The following MRTFA variants were observed in gnomAD, a reference collection of about 807,000 sequenced individuals.
The protein encoded by MRTFA is myocardin related transcription factor A, also known as myocardin-related transcription factor A.
Under a neutral mutation model 83.5 loss-of-function variants are expected in MRTFA, and 20 were observed. The observed-to-expected ratio is 0.24, with a 90% CI of 0.17 to 0.35. MRTFA has a LOEUF of 0.35. MRTFA is among the 10% of genes least tolerant of loss of function. The pLI is 1.00. For missense variants in MRTFA, 1,200 were observed against 1,224.7 expected (o/e 0.98, Z 0.30); for synonymous variants, 659 against 541.2 (o/e 1.22, Z -3.02).
intron 3 of MRTFA, among the ~76,000 whole-genome samples, chr22:40,541,571 G>C (rs2055290889): frequency 1.3e-5 from 2 of 152,162 alleles, no homozygotes; most frequent in Non-Finnish European, 2.9e-5. Context: ...ATGAAGTACT[G>C]AGTCAAGACC....
intron 2 of MRTFA, among the ~76,000 whole-genome samples, chr22:40,589,519 G>A (rs2056087186): frequency 6.6e-6 from 1 of 152,090 alleles, no homozygotes. Context: ...TTGTTCCAAG[G>A]GATACATGAG....
chr22:40,465,109 C>T (rs1003556175), intron 3 of MRTFA, among the ~76,000 whole-genome samples: 1 of 152,192 alleles, frequency 6.6e-6, no homozygotes, highest in Admixed American at 6.5e-5. Flanking sequence ...TGAACTTCCC[C>T]ACTCACTCCA....
chr22:40,567,784 C>T (rs1169915721), intron 2 of MRTFA, among the ~76,000 whole-genome samples: 1 of 152,152 alleles, frequency 6.6e-6, no homozygotes, highest in Non-Finnish European at 1.5e-5. Context: ...GAAAGGAAGA[C>T]ATTTATAGTA....
At chr22:40,467,327 G>GT (rs913706707) in intron 3 of MRTFA, among the ~76,000 whole-genome samples, 6 of 152,194 alleles carry the variant, frequency 3.9e-5, no homozygotes, top group South Asian at 4.1e-4. Context: ...AATTCATTTT[G>GT]TTTTATAATT....
At chr22:40,435,059 C>A (rs1159056596) in intron 5 of MRTFA, among the ~76,000 whole-genome samples, 3 of 152,076 alleles carry the variant, frequency 2.0e-5, no homozygotes, top group Non-Finnish European at 4.4e-5. Context: ...GGTTTCCTGC[C>A]CCTTGGAATG....
intron 3 of MRTFA, among the ~76,000 whole-genome samples, chr22:40,520,159 A>AT (rs1193071246): frequency 8.5e-5 from 13 of 152,190 alleles, no homozygotes; most frequent in South Asian, 8.3e-4. Context: ...AGAAACCTGA[A>AT]TTTTTTTCCT....
At chr22:40,611,741 G>A (rs901196709) in intron 1 of MRTFA, among the ~76,000 whole-genome samples, 12 of 152,090 alleles carry the variant, frequency 7.9e-5, no homozygotes, top group African/African-American at 2.7e-4. Flanking sequence ...GACTAATTCT[G>A]CTTGATGACC....
chr22:40,620,284 C>T (rs1015416544), intron 1 of MRTFA, among the ~76,000 whole-genome samples: 1 of 151,954 alleles, frequency 6.6e-6, no homozygotes. Flanking sequence ...ATTACCACGC[C>T]TGGCTAATTT....
intron 3 of MRTFA, among the ~76,000 whole-genome samples, chr22:40,527,932 A>AG (rs2055006422): frequency 6.6e-6 from 1 of 152,182 alleles, no homozygotes; most frequent in Non-Finnish European, 1.5e-5. Flanking sequence ...GGAAAAAAAA[A>AG]GATGCAGACT....
At chr22:40,534,297 C>T (rs549074674) in intron 3 of MRTFA, among the ~76,000 whole-genome samples, 1 of 152,294 alleles carries the variant, frequency 6.6e-6, no homozygotes, top group East Asian at 1.9e-4. Flanking sequence ...CACCCCCACT[C>T]CAATTAAAAT....
chr22:40,533,695 A>C, intron 3 of MRTFA: 1 of 1,057,606 alleles, frequency 9.5e-7, no homozygotes, highest in Non-Finnish European at 1.2e-6. Flanking sequence ...AAGTCACAGG[A>C]GAAAAGCTGT....
At chr22:40,527,151 C>T (rs2054990189) in intron 3 of MRTFA, among the ~76,000 whole-genome samples, 1 of 151,360 alleles carries the variant, frequency 6.6e-6, no homozygotes. Context: ...CACACACACA[C>T]ACACACAAAT....
intron 2 of MRTFA, among the ~76,000 whole-genome samples, chr22:40,565,607 C>A (rs2055691480): frequency 6.6e-6 from 1 of 152,124 alleles, no homozygotes; most frequent in African/African-American, 2.4e-5. Flanking sequence ...ATTCACTCAA[C>A]AAATGCATAG....
At chr22:40,490,079 G>C (rs1294208639) in intron 3 of MRTFA, among the ~76,000 whole-genome samples, 1 of 151,586 alleles carries the variant, frequency 6.6e-6, no homozygotes, top group African/African-American at 2.4e-5. Flanking sequence ...ATTGCCTATA[G>C]GTTTTTTTTG....
At chr22:40,479,116 A>C (rs1190399232) in intron 3 of MRTFA, among the ~76,000 whole-genome samples, 2 of 152,170 alleles carry the variant, frequency 1.3e-5, no homozygotes, top group African/African-American at 4.8e-5. Flanking sequence ...CTGCTGAAAT[A>C]GATAAGCAAG....
chr22:40,541,842 A>G (rs1279164547), intron 3 of MRTFA, among the ~76,000 whole-genome samples: 1 of 151,754 alleles, frequency 6.6e-6, no homozygotes, highest in Non-Finnish European at 1.5e-5. Flanking sequence ...AAATTTTTGT[A>G]TTTTTAGTAG....
At chr22:40,520,158 A>C (rs2054839412) in intron 3 of MRTFA, among the ~76,000 whole-genome samples, 1 of 152,160 alleles carries the variant, frequency 6.6e-6, no homozygotes, top group African/African-American at 2.4e-5. Context: ...GAGAAACCTG[A>C]ATTTTTTTCC....
intron 3 of MRTFA, among the ~76,000 whole-genome samples, chr22:40,493,681 G>C (rs2054306081): frequency 6.6e-6 from 1 of 152,194 alleles, no homozygotes; most frequent in South Asian, 2.1e-4. Flanking sequence ...TGTCATCAAG[G>C]ATGAGGAGCA....
At chr22:40,476,538 G>A (rs2054000129) in intron 3 of MRTFA, among the ~76,000 whole-genome samples, 1 of 152,030 alleles carries the variant, frequency 6.6e-6, no homozygotes, top group Non-Finnish European at 1.5e-5. Context: ...GCTCACTGCA[G>A]CCTCAACTTC....
Sources: gnomAD v4.1 joint callset for allele counts (sites outside exome capture counted in the v4.1 genomes callset) on GRCh38, gnomAD v4.1.1 for gene constraint, MANE v1.5 for transcripts, NCBI Gene and HGNC (gene_info 2026-07-23, HGNC 2026-07-21) for gene names.